Variants in HIVEP1 observed in about 807,000 individuals in gnomAD.
HIVEP1 encodes HIVEP zinc finger 1.
A neutral mutation model predicts 180.0 loss-of-function variants in HIVEP1; 36 were observed. The ratio of observed to expected loss-of-function variants is 0.20; its 90% CI spans 0.15 to 0.26. The LOEUF is 0.26. HIVEP1 is among the 10% of genes least tolerant of loss of function. The pLI is 1.00. For synonymous variants in HIVEP1, 1,239 were observed against 1,239.0 expected (o/e 1.00, Z 0.00); for missense variants, 3,143 against 3,268.7 (o/e 0.96, Z 0.94).
rs145029297 is a variant in HIVEP1 at position 12,107,196 on chromosome 6, C to T, written c.95-12694C>T. The stretch of plus-strand genomic sequence containing the variant: ...GCAAATACTGCAATAAAGCAGGTTA[C>T]GTGAATTTTTTTTATTTCCCAGTGC... On this transcript the variant is annotated intron_variant, in intron 3 of 8. Transcript: ENST00000379388. 3.3e-3 allele frequency among the ~76,000 whole-genome samples: 508 copies of T among 152,252 alleles called. 3 individuals carry two copies. The highest frequency in any genetic ancestry group is 5.3e-3 in the Non-Finnish European group (359 of 68,016).
Position 12,129,852 on chromosome 6 carries a change from A to G in HIVEP1, c.6169A>G (p.Ile2057Val), listed in dbSNP as rs751045068. The G allele has an allele frequency of 4.4e-6, 7 of 1,577,862 alleles. No homozygotes were observed. The South Asian group carries it at 7.8e-5, about 18-fold the overall frequency. Residue 2057 changes from isoleucine (I) to valine (V), a missense_variant, in exon 5 of 9, where the codon ATC (isoleucine) becomes GTC (valine). Ile to Val is a conservative substitution (Grantham distance 29, BLOSUM62 3). Coordinates refer to ENST00000379388, the MANE Select transcript of HIVEP1 (RefSeq NM_002114.4). ...NSEQDKENSL[I>V]KSEPRRIKIF... ...TGAGCAAGATAAAGAAAATTCCTTA[A>G]TCAAAAGTGAACCAAGAAGAATTAA...
chr6:12,014,210 C>T (rs1268776776), intron 1 of HIVEP1, among the ~76,000 whole-genome samples: 3 of 152,192 alleles, frequency 2.0e-5, no homozygotes, highest in Non-Finnish European at 4.4e-5. Context: ...TGGCTTTGAA[C>T]CCACTCCGGT....
intron 2 of HIVEP1, among the ~76,000 whole-genome samples, chr6:12,053,172 T>G (rs376963066): frequency 2.6e-5 from 4 of 152,128 alleles, no homozygotes; most frequent in African/African-American, 9.7e-5. Flanking sequence ...ATTATAAAGA[T>G]TTGCAGTAGA....
chr6:12,012,208 T>G (rs1229657542), upstream of HIVEP1: 88 of 124,238 alleles, frequency 7.1e-4, no homozygotes, highest in East Asian at 0.016. Context: ...CTTCGCCGCC[T>G]CCTCCGCCCG....
intron 2 of HIVEP1, among the ~76,000 whole-genome samples, chr6:12,031,998 A>G (rs1406605362): frequency 6.6e-6 from 1 of 152,190 alleles, no homozygotes; most frequent in Non-Finnish European, 1.5e-5. Context: ...CTGCATGTAG[A>G]GACCCATCAA....
chr6:12,133,509 G>T (rs1758541343), intron 6 of HIVEP1, among the ~76,000 whole-genome samples: 1 of 152,140 alleles, frequency 6.6e-6, no homozygotes, highest in Non-Finnish European at 1.5e-5. Context: ...TTTGTATATT[G>T]AAATGCAGAT....
intron 7 of HIVEP1, among the ~76,000 whole-genome samples, chr6:12,144,031 T>C (rs1261279833): frequency 1.3e-5 from 2 of 152,180 alleles, no homozygotes; most frequent in Non-Finnish European, 2.9e-5. Flanking sequence ...AAAAAACTAC[T>C]TTAAAGTTCA....
At chr6:12,070,747 A>G (rs1043393560) in intron 2 of HIVEP1, among the ~76,000 whole-genome samples, 8 of 152,210 alleles carry the variant, frequency 5.3e-5, no homozygotes, top group African/African-American at 1.9e-4. Flanking sequence ...GGAAAACACC[A>G]GCTAGTGACC....
chr6:12,161,815 A>G lies in HIVEP1; in HGVS notation c.6864A>G (p.Thr2288=). 6.2e-7 allele frequency: 1 copy of G among 1,614,110 alleles called. No individual in the cohort carries two copies. Among genetic ancestry groups the G allele is most frequent in the East Asian group, 2.2e-5 (1 of 44,868 alleles). The part of the protein sequence containing the change: ...RQRAARDEND[T]IPSVDTSRSP... ...GTGCTGCGAGAGATGAAAACGACACAATTCCGTCTGTAGACACTTCCAGGT... is the reference window on the plus strand; with the variant it reads ...GTGCTGCGAGAGATGAAAACGACACGATTCCGTCTGTAGACACTTCCAGGT... The change falls in exon 8 of 9, where the codon ACA becomes ACG. Residue 2288 remains threonine, a synonymous_variant. Transcript: ENST00000379388.
chr6:12,166,660 G>T (rs1043500774), downstream of HIVEP1, among the ~76,000 whole-genome samples: 1 of 152,126 alleles, frequency 6.6e-6, no homozygotes, highest in African/African-American at 2.4e-5. Flanking sequence ...CTCCGAAGTC[G>T]TCTTTTCCCA....
chr6:12,124,872 C>G lies in HIVEP1; in HGVS notation c.5077C>G (p.His1693Asp), dbSNP rs1236591107. The stretch of plus-strand genomic sequence containing the variant: ...TTCTGTGCCAACATTACAAAAAGGT[C>G]ATCAGAATGCTTTGCCAAACCCAGA... ...QNSVPTLQKG[H>D]QNALPNPEKE... The change falls in exon 4 of 9, where the codon CAT becomes GAT. Residue 1693 changes from histidine (H) to aspartate (D), a missense_variant. By Grantham distance (81) the His-to-Asp change is moderately conservative. This residue lies in a region of HIVEP1 where 1,357 missense variants were observed against 1,260.5 expected (regional missense o/e 1.08). Coordinates refer to ENST00000379388, the MANE Select transcript of HIVEP1 (RefSeq NM_002114.4). 3.1e-6 allele frequency: 5 copies of G among 1,614,020 alleles called. No homozygotes were observed. The highest frequency in any genetic ancestry group is 4.2e-6 in the Non-Finnish European group (5 of 1,180,018).
At chr6:12,058,209 A>G (rs975182713) in intron 2 of HIVEP1, among the ~76,000 whole-genome samples, 11 of 152,250 alleles carry the variant, frequency 7.2e-5, no homozygotes, top group East Asian at 3.9e-4. Context: ...GTCAGTGTCA[A>G]TATTGCCAGT....
intron 3 of HIVEP1, among the ~76,000 whole-genome samples, chr6:12,108,797 G>GAGCC (rs1446660340): frequency 6.6e-6 from 1 of 152,160 alleles, no homozygotes; most frequent in Non-Finnish European, 1.5e-5. Context: ...CAAGCTGAGG[G>GAGCC]AGCCGGCTCT....
In HIVEP1 at chr6:12,122,848, C is replaced by T. The variant is rs758328130; in HGVS notation, c.3053C>T (p.Ser1018Phe). The T allele has an allele frequency of 2.5e-6, 4 of 1,613,944 alleles. No homozygotes were observed. Among genetic ancestry groups the T allele is most frequent in the Non-Finnish European group, 3.4e-6 (4 of 1,180,004 alleles). The change falls in exon 4 of 9, where the codon TCC (serine) becomes TTC (phenylalanine). Residue 1018 changes from serine to phenylalanine, a missense_variant. Physicochemically the swap from Ser to Phe is radical, Grantham distance 155. Around this residue, in one of 12 missense-constraint regions of HIVEP1, gnomAD observed 1,357 missense variants for 1,260.5 expected, o/e 1.08. Coordinates refer to ENST00000379388, the MANE Select transcript of HIVEP1 (RefSeq NM_002114.4). ...PQILHYRVAG[S>F]SGIWEQTPQI... The stretch of plus-strand genomic sequence containing the variant: ...ATTCTACACTACAGAGTCGCTGGGT[C>T]CTCCGGCATCTGGGAACAGACGCCC...
intron 2 of HIVEP1, among the ~76,000 whole-genome samples, chr6:12,048,596 T>A (rs1223313020): frequency 6.6e-6 from 1 of 152,174 alleles, no homozygotes; most frequent in African/African-American, 2.4e-5. Flanking sequence ...CTGGATACAC[T>A]CTCTAATTGA....
intron 2 of HIVEP1, among the ~76,000 whole-genome samples, chr6:12,085,811 TTA>T (rs2113309004): frequency 6.6e-6 from 1 of 152,260 alleles, no homozygotes; most frequent in African/African-American, 2.4e-5. Flanking sequence ...TATTTGAAGA[TTA>T]TGTAATTTCT....
chr6:12,208,521 C>T, the HIVEP1 span, among the ~76,000 whole-genome samples: 10 of 152,268 alleles, frequency 6.6e-5, no homozygotes, highest in Non-Finnish European at 1.2e-4. Flanking sequence ...CTGAGTGTTC[C>T]GTGCTGCACC....
chr6:12,135,448 A>C (rs1215373164), intron 6 of HIVEP1, among the ~76,000 whole-genome samples: 1 of 152,220 alleles, frequency 6.6e-6, no homozygotes, highest in African/African-American at 2.4e-5. Flanking sequence ...GAGAATTCAC[A>C]CTCCAAGAAC....
intron 4 of HIVEP1, among the ~76,000 whole-genome samples, chr6:12,128,418 T>C (rs556707763): frequency 6.6e-6 from 1 of 152,192 alleles, no homozygotes; most frequent in Non-Finnish European, 1.5e-5. Flanking sequence ...TCTTATCTCT[T>C]AGTATTATTA....
Sources: allele counts gnomAD v4.1 joint callset (sites outside exome capture counted in the v4.1 genomes callset), GRCh38; gene constraint gnomAD v4.1.1; regional missense constraint gnomAD v4.1.1; transcripts MANE v1.5; gene names NCBI Gene and HGNC (gene_info 2026-07-23, HGNC 2026-07-21).